Variants in NUDT9 observed in about 807,000 individuals in gnomAD.
NUDT9 encodes the protein nudix hydrolase 9.
A neutral mutation model predicts 41.0 loss-of-function variants in NUDT9; 31 were observed. The observed-to-expected ratio is 0.76, with a 90% CI of 0.57 to 1.02. NUDT9 has a LOEUF of 1.02. Ranked by LOEUF, NUDT9 falls within the 50% of genes least tolerant of loss-of-function variation. The pLI, the probability that NUDT9 is intolerant of heterozygous loss-of-function variation, is 0.00. For missense variants in NUDT9, 380 were observed against 431.4 expected (o/e 0.88, Z 1.06); for synonymous variants, 146 against 147.6 (o/e 0.99, Z 0.08).
Position 87,435,061 on chromosome 4 carries a change from A to T in NUDT9, c.188A>T (p.Asn63Ile). Residue 63 changes from asparagine to isoleucine, a missense_variant, in exon 2 of 8, where the codon AAT becomes ATT. Physicochemically the swap from Asn to Ile is moderately radical, Grantham distance 149. Transcript: ENST00000302174. ...AATGGTTCCAAAGAAAATTCTCACA[A>T]TAAGGCTCGGACGTCTCCTTACCCA... The part of the protein sequence containing the change: ...GSNGSKENSH[N>I]KARTSPYPGS... 6.2e-7 allele frequency: 1 copy of T among 1,614,200 alleles called. No homozygotes were observed. The highest frequency in any genetic ancestry group is 1.1e-5 in the South Asian group (1 of 91,084).
At chr4:87,426,228 A>T (rs377404904) in intron 1 of NUDT9, among the ~76,000 whole-genome samples, 35 of 151,886 alleles carry the variant, frequency 2.3e-4, no homozygotes, top group Non-Finnish European at 1.0e-4. Context: ...TGTGTAGAAT[A>T]TTGTTTTATT....
At chr4:87,451,465 A>G (rs923804563) in intron 5 of NUDT9, 124 bp from the exon 6 acceptor site, 2 of 718,970 alleles carry the variant, frequency 2.8e-6, no homozygotes, top group Admixed American at 2.8e-5. Context: ...AGTGTATCAC[A>G]GAGAAATGGG....
intron 1 of NUDT9, among the ~76,000 whole-genome samples, chr4:87,427,314 C>T (rs999202972): frequency 6.6e-6 from 1 of 152,016 alleles, no homozygotes; most frequent in African/African-American, 2.4e-5. Flanking sequence ...TAAAAGTTTG[C>T]CAGTCTTAAG....
At chr4:87,454,305 G>A in intron 6 of NUDT9, 66 bp from the exon 7 acceptor site, 2 of 829,432 alleles carry the variant, frequency 2.4e-6, no homozygotes, top group Non-Finnish European at 4.2e-6. Flanking sequence ...GCTAGTGAAG[G>A]TAACATGCTC....
chr4:87,432,085 C>T (rs1439392897), intron 1 of NUDT9, among the ~76,000 whole-genome samples: 1 of 152,150 alleles, frequency 6.6e-6, no homozygotes, highest in Non-Finnish European at 1.5e-5. Flanking sequence ...CATGAATTAT[C>T]TTGGGTTTTC....
At chr4:87,449,698 T>G (rs1722623495) in intron 5 of NUDT9, among the ~76,000 whole-genome samples, 1 of 152,220 alleles carries the variant, frequency 6.6e-6, no homozygotes. Context: ...TTGGTTGAAT[T>G]CTGATAACTT....
Position 87,457,994 on chromosome 4 carries a change from C to T in NUDT9, c.1026C>T (p.Asp342=), listed in dbSNP as rs114242339. The change falls in exon 8 of 8, where the codon GAC becomes GAT. Residue 342 remains aspartate (D), a synonymous_variant. Transcript: ENST00000302174. ...AEKRDAHWSE[D]SEADCHAL is the part of the protein sequence containing the mutation. ...AACGAGATGCACACTGGAGCGAGGA[C>T]TCTGAAGCTGACTGCCATGCGTTGT... 3.8e-6 allele frequency: 6 copies of T among 1,563,680 alleles called. No homozygotes were observed. In the East Asian group the frequency reaches 1.4e-4, roughly 37 times the overall value.
At chr4:87,447,501 G>T (rs7688288) in intron 4 of NUDT9, among the ~76,000 whole-genome samples, 38,587 of 124,342 alleles carry the variant, frequency 0.31, 5,062 homozygotes, top group African/African-American at 0.35. Context: ...GTTTTGTTTT[G>T]TTTTGCCTGA....
At chr4:87,457,354 G>C (rs1267731246) in intron 7 of NUDT9, among the ~76,000 whole-genome samples, 1 of 149,216 alleles carries the variant, frequency 6.7e-6, no homozygotes, top group African/African-American at 2.5e-5. Context: ...TCTTGCCTCA[G>C]CCTCCCAAGT....
chr4:87,424,254 GTTTTT>G (rs147874067), intron 1 of NUDT9, among the ~76,000 whole-genome samples: 30,882 of 98,648 alleles, frequency 0.31, 3,374 homozygotes, highest in Admixed American at 0.37. Context: ...TCCCTAATGC[GTTTTT>G]TTTTTTTTTT....
At position 87,458,004 on chromosome 4, in the gene NUDT9, G is replaced by T. The variant is rs1228359145; in HGVS notation, c.1036G>T (p.Asp346Tyr). Residue 346 changes from aspartate to tyrosine, a missense_variant, in exon 8 of 8, where the codon GAC becomes TAC. Asp to Tyr is a radical substitution (Grantham distance 160). Transcript: ENST00000302174. ...DAHWSEDSEA[D>Y]CHAL ...ACACTGGAGCGAGGACTCTGAAGCT[G>T]ACTGCCATGCGTTGTAGCTGATGGT... The T allele has an allele frequency of 1.3e-6, 2 of 1,553,458 alleles. No individual in the cohort carries two copies. The highest frequency in any genetic ancestry group is 4.2e-5 in the Admixed American group (2 of 47,856).
At chr4:87,424,173 T>G (rs1382004199) in intron 1 of NUDT9, among the ~76,000 whole-genome samples, 1 of 152,018 alleles carries the variant, frequency 6.6e-6, no homozygotes, top group Non-Finnish European at 1.5e-5. Context: ...GCTGCCAGTT[T>G]ATGATCCTTG....
In NUDT9 at chr4:87,422,965, C is replaced by A. The variant is rs200633146; in HGVS notation, c.60C>A (p.Ala20=). 8 of 1,613,220 alleles carry A rather than the reference C, an allele frequency of 5.0e-6. No homozygotes were observed. The Admixed American group carries it at 1.3e-4, about 27-fold the overall frequency. The part of the protein sequence containing the change: ...LAAVSLSLAL[A]SVTIRSSRCR... ...CGGTGTCTCTCTCTCTGGCCTTGGC[C>A]TCTGTGACTATCAGGTCCTCGCGCT... The change falls in exon 1 of 8, where the codon GCC becomes GCA. Residue 20 remains alanine, a synonymous_variant. Transcript: ENST00000302174.
chr4:87,425,247 A>C (rs1426737888), intron 1 of NUDT9, among the ~76,000 whole-genome samples: 1 of 151,660 alleles, frequency 6.6e-6, no homozygotes, highest in Non-Finnish European at 1.5e-5. Context: ...TATCAGTAGG[A>C]TCAGAGTAGG....
chr4:87,452,488 C>G (rs557788325), intron 6 of NUDT9, among the ~76,000 whole-genome samples: 1 of 152,122 alleles, frequency 6.6e-6, no homozygotes, highest in Admixed American at 6.6e-5. Context: ...GGGTCTTGCT[C>G]TGTTGTTCAG....
chr4:87,457,821 AT>A (rs1723053470), intron 7 of NUDT9, 21 bp from the exon 8 acceptor site: 1 of 1,602,270 alleles, frequency 6.2e-7, no homozygotes, highest in Non-Finnish European at 8.5e-7. Flanking sequence ...TTTCTTGGTG[AT>A]GGTTTTTCTT....
At chr4:87,432,791 T>C (rs1416035700) in intron 1 of NUDT9, among the ~76,000 whole-genome samples, 1 of 152,068 alleles carries the variant, frequency 6.6e-6, no homozygotes, top group Non-Finnish European at 1.5e-5. Context: ...ATTTTGTTAA[T>C]GTGATACATT....
chr4:87,429,726 C>T (rs566636364), intron 1 of NUDT9, among the ~76,000 whole-genome samples: 1 of 139,534 alleles, frequency 7.2e-6, no homozygotes, highest in Admixed American at 7.4e-5. Flanking sequence ...TTCTTTCCCC[C>T]TCATCTCCTT....
intron 3 of NUDT9, 62 bp from the exon 4 acceptor site, chr4:87,441,767 A>G: frequency 7.5e-7 from 1 of 1,331,186 alleles, no homozygotes; most frequent in Non-Finnish European, 1.1e-6. Flanking sequence ...TTTGGGTTAT[A>G]TCAAATCAGG....
Sources: allele counts gnomAD v4.1 joint callset (sites outside exome capture counted in the v4.1 genomes callset), GRCh38; gene constraint gnomAD v4.1.1; transcripts MANE v1.5; gene names NCBI Gene and HGNC (gene_info 2026-07-23, HGNC 2026-07-21).